The following IL1R1 variants were observed in gnomAD, a reference collection of about 807,000 sequenced individuals.
The protein encoded by IL1R1 is interleukin-1 receptor type 1.
IL1R1 carries 22 observed loss-of-function variants against 50.2 expected under a neutral mutation model. The ratio of observed to expected loss-of-function variants is 0.44; its 90% CI spans 0.31 to 0.63. The LOEUF (loss-of-function observed/expected upper bound fraction) is 0.63, where lower values mean the gene tolerates loss of function less well. Ranked by LOEUF, IL1R1 falls within the 20% of genes least tolerant of loss-of-function variation. The probability of loss-of-function intolerance (pLI) is 0.07; values close to 1 mark genes in which losing one functional copy is unlikely to be tolerated. For synonymous variants in IL1R1, 251 were observed against 236.7 expected, an observed-to-expected ratio of 1.06 and a Z score of -0.55; for missense variants, 509 against 676.2, an observed-to-expected ratio of 0.75 and a Z score of 2.74.
intron 1 of IL1R1, among the ~76,000 whole-genome samples, chr2:102,126,960 C>T (rs1334394043): frequency 6.6e-6 from 1 of 152,194 alleles, no homozygotes; most frequent in Admixed American, 6.5e-5. Flanking sequence ...CTTCCCAGCC[C>T]TTTTAATGCA....
intron 3 of IL1R1, 150 bp from the exon 4 acceptor site, chr2:102,164,624 C>A (rs1578013956): frequency 3.3e-6 from 2 of 613,624 alleles, no homozygotes; most frequent in East Asian, 5.6e-5. Flanking sequence ...TCAGACTCCC[C>A]AGATAATGAT....
chr2:102,099,653 G>A (rs1003232675), upstream of IL1R1, among the ~76,000 whole-genome samples: 3 of 152,126 alleles, frequency 2.0e-5, no homozygotes, highest in African/African-American at 7.2e-5. Flanking sequence ...ATTCTCCAGT[G>A]ATGACCTCCT....
At chr2:102,117,988 A>T (rs1471236366) in intron 1 of IL1R1, among the ~76,000 whole-genome samples, 1 of 150,786 alleles carries the variant, frequency 6.6e-6, no homozygotes, top group Non-Finnish European at 1.5e-5. Context: ...TATAATATAT[A>T]TATAGACAAA....
At chr2:102,090,484 C>A in intron 1 of IL1R1, among the ~76,000 whole-genome samples, 1 of 151,980 alleles carries the variant, frequency 6.6e-6, no homozygotes, top group Non-Finnish European at 1.5e-5. Flanking sequence ...ATATCTCTTA[C>A]GCTCTTTTTA....
intron 1 of IL1R1, among the ~76,000 whole-genome samples, chr2:102,111,741 T>C (rs1447118821): frequency 1.3e-5 from 2 of 152,160 alleles, no homozygotes; most frequent in Non-Finnish European, 2.9e-5. Context: ...CACGGGTAAC[T>C]CTGCCCCAGG....
chr2:102,071,486 G>A (rs953383600), intron 1 of IL1R1, among the ~76,000 whole-genome samples: 3 of 152,224 alleles, frequency 2.0e-5, no homozygotes, highest in Admixed American at 2.0e-4. Flanking sequence ...GTGTCATAAT[G>A]TATTTATTCA....
intron 1 of IL1R1, among the ~76,000 whole-genome samples, chr2:102,092,321 C>G (rs1211832639): frequency 6.6e-6 from 1 of 152,090 alleles, no homozygotes; most frequent in Non-Finnish European, 1.5e-5. Flanking sequence ...TGTCTCTTCT[C>G]TGAAAATTTT....
At chr2:102,105,804 C>T (rs547291043) in intron 1 of IL1R1, among the ~76,000 whole-genome samples, 1 of 152,190 alleles carries the variant, frequency 6.6e-6, no homozygotes, top group African/African-American at 2.4e-5. Flanking sequence ...TTTTCTCCCC[C>T]CTTCAGAAGC....
At chr2:102,088,426 T>C (rs1426577292) in intron 1 of IL1R1, among the ~76,000 whole-genome samples, 1 of 152,204 alleles carries the variant, frequency 6.6e-6, no homozygotes, top group Non-Finnish European at 1.5e-5. Flanking sequence ...GAATCTTTTT[T>C]TTTTTCCCCT....
chr2:102,114,310 C>T (rs79400648), intron 1 of IL1R1, among the ~76,000 whole-genome samples: 3,767 of 152,274 alleles, frequency 0.025, 78 homozygotes, highest in Middle Eastern at 0.037. Context: ...AAACACACTG[C>T]GTGGAATGCA....
chr2:102,135,637 G>A (rs1427542581), intron 1 of IL1R1, among the ~76,000 whole-genome samples: 1 of 152,200 alleles, frequency 6.6e-6, no homozygotes, highest in African/African-American at 2.4e-5. Context: ...GAAGATTCTT[G>A]CTCGAGTACG....
chr2:102,121,792 C>T (rs1219618307), intron 1 of IL1R1, among the ~76,000 whole-genome samples: 2 of 152,164 alleles, frequency 1.3e-5, no homozygotes, highest in Non-Finnish European at 2.9e-5. Context: ...AGTTATTTGG[C>T]AGCATTTTTT....
chr2:102,107,701 A>C (rs1030962902), intron 1 of IL1R1, among the ~76,000 whole-genome samples: 8 of 152,188 alleles, frequency 5.3e-5, no homozygotes, highest in Non-Finnish European at 1.2e-4. Context: ...TTGTTGTCTT[A>C]ATTTACCTTA....
chr2:102,072,919 C>T (rs1228892988), intron 1 of IL1R1, among the ~76,000 whole-genome samples: 6 of 152,234 alleles, frequency 3.9e-5, no homozygotes, highest in African/African-American at 9.6e-5. Context: ...ACTGAAGGCC[C>T]TTCCCGGCCA....
intron 1 of IL1R1, among the ~76,000 whole-genome samples, chr2:102,110,368 A>C (rs191477603): frequency 1.1e-3 from 175 of 152,256 alleles, no homozygotes; most frequent in African/African-American, 4.0e-3. Context: ...TCCTGGAAGC[A>C]GAATTGTGGG....
rs750386152 is a variant in IL1R1 at position 102,171,886 on chromosome 2, A to C, written c.807A>C (p.Glu269Asp). The change falls in exon 8 of 12, where the codon GAA (glutamate) becomes GAC (aspartate). Residue 269 changes from glutamate (E) to aspartate (D), a missense_variant. Coordinates refer to ENST00000410023, the MANE Select transcript of IL1R1 (RefSeq NM_000877.4). ...YWKWNGSVID[E>D]DDPVLGEDYY... ...AGTGGAATGGGTCAGTAATTGATGA[A>C]GATGACCCAGTGCTAGGGGAAGACT... 2.5e-6 allele frequency: 4 copies of C among 1,603,912 alleles called. No homozygotes were observed. The South Asian group carries it at 4.4e-5, about 18-fold the overall frequency.
intron 9 of IL1R1, among the ~76,000 whole-genome samples, chr2:102,173,571 C>T (rs1459019366): frequency 1.3e-5 from 2 of 152,024 alleles, no homozygotes; most frequent in African/African-American, 4.8e-5. Context: ...GTAATACAAA[C>T]TAAAAAATAT....
At chr2:102,085,014 G>A (rs1430406577) in intron 1 of IL1R1, among the ~76,000 whole-genome samples, 1 of 151,972 alleles carries the variant, frequency 6.6e-6, no homozygotes, top group Non-Finnish European at 1.5e-5. Flanking sequence ...ATTATTTTTT[G>A]GCCATTTAAA....
At chr2:102,087,852 A>C (rs2104303969) in intron 1 of IL1R1, among the ~76,000 whole-genome samples, 1 of 152,330 alleles carries the variant, frequency 6.6e-6, no homozygotes, top group East Asian at 1.9e-4. Flanking sequence ...CCATGTTGTC[A>C]TTTCAGCAAA....
Sources: allele counts gnomAD v4.1 joint callset (sites outside exome capture counted in the v4.1 genomes callset), GRCh38; gene constraint gnomAD v4.1.1; transcripts MANE v1.5; gene names NCBI Gene and HGNC (gene_info 2026-07-23, HGNC 2026-07-21).